Variants in CYP46A1 observed in about 807,000 individuals in gnomAD.
CYP46A1 encodes the protein cholesterol 24-hydroxylase.
In CYP46A1, 20 loss-of-function variants were observed where a neutral mutation model predicts 63.3. The observed-to-expected ratio is 0.32, with a 90% CI of 0.22 to 0.46. The LOEUF is 0.46. Ranked by LOEUF, CYP46A1 falls within the 20% of genes least tolerant of loss-of-function variation. CYP46A1 has a pLI of 1.00. For synonymous variants in CYP46A1, 268 were observed against 273.6 expected (o/e 0.98, Z 0.20); for missense variants, 445 against 670.8 (o/e 0.66, Z 3.72).
At chr14:99,699,842 C>T (rs1373152783) in intron 4 of CYP46A1, among the ~76,000 whole-genome samples, 173 bp from the exon 5 acceptor site, 3 of 152,142 alleles carry the variant, frequency 2.0e-5, no homozygotes, top group Non-Finnish European at 2.9e-5. Flanking sequence ...CCATTTTCCC[C>T]ACCTTAGAGG....
In CYP46A1 at chr14:99,706,701, G is replaced by C; in HGVS notation, c.498G>C (p.Glu166Asp). Residue 166 changes from glutamate to aspartate, a missense_variant, in exon 6 of 15, where the codon GAG becomes GAC. Coordinates refer to ENST00000261835, the MANE Select transcript of CYP46A1 (RefSeq NM_006668.2). Reference sequence around the variant, plus strand: ...ACGAGAAGGCTGAGCAGCTGGTGGAGATTCTAGAAGCCAAGGCAGATGGGC... The same window carrying C: ...ACGAGAAGGCTGAGCAGCTGGTGGACATTCTAGAAGCCAAGGCAGATGGGC... ...TFNEKAEQLV[E>D]ILEAKADGQT... The C allele has an allele frequency of 6.2e-7, 1 of 1,613,974 alleles. No individual in the cohort carries two copies. Among genetic ancestry groups the C allele is most frequent in the South Asian group, 1.1e-5 (1 of 91,068 alleles).
intron 3 of CYP46A1, among the ~76,000 whole-genome samples, chr14:99,696,569 C>A (rs2140117341): frequency 6.6e-6 from 1 of 152,294 alleles, no homozygotes; most frequent in East Asian, 1.9e-4. Flanking sequence ...CTGATGTCAG[C>A]AATTGATTAT....
At chr14:99,706,533 AG>A (rs1595194189) in intron 5 of CYP46A1, 113 bp from the exon 6 acceptor site, 2 of 1,415,736 alleles carry the variant, frequency 1.4e-6, no homozygotes, top group East Asian at 4.6e-5. Flanking sequence ...AAAGACTGGG[AG>A]GGACCACCCA....
At chr14:99,719,803 C>A (rs2056828157) in intron 10 of CYP46A1, among the ~76,000 whole-genome samples, 1 of 148,434 alleles carries the variant, frequency 6.7e-6, no homozygotes, top group South Asian at 2.1e-4. Context: ...ACTCTGTCGC[C>A]CAGGCTGCAG....
At chr14:99,684,683 T>A (rs2056474855) in intron 1 of CYP46A1, 147 bp downstream of exon 1, 1 of 696,978 alleles carries the variant, frequency 1.4e-6, no homozygotes, top group Non-Finnish European at 2.6e-6. Context: ...GGGCGCTAAC[T>A]ATTCTTAGTA....
rs1282906008 is a variant in CYP46A1 at position 99,691,894 on chromosome 14, C to T, written c.282+33C>T. On this transcript the variant is annotated intron_variant, in intron 3 of 14. Coordinates refer to ENST00000261835, the MANE Select transcript of CYP46A1 (RefSeq NM_006668.2). ...GAAGAGTGGTTTCCATGAGGGAGTT[C>T]CCTGCCTTTCCTTGGGTTGGGGGAG... 5.0e-6 allele frequency: 8 copies of T among 1,605,030 alleles called. No individual in the cohort carries two copies. The South Asian group carries it at 7.7e-5, about 15-fold the overall frequency.
At chr14:99,718,967 G>C (rs1247404731) in intron 10 of CYP46A1, among the ~76,000 whole-genome samples, 1 of 146,962 alleles carries the variant, frequency 6.8e-6, no homozygotes. Context: ...CTGAGTATCT[G>C]TTCAGCACCT....
rs1011017835 is a variant in CYP46A1 at position 99,684,584 on chromosome 14, G to T, written c.119+48G>T. 8 of 1,396,050 alleles carry T rather than the reference G, an allele frequency of 5.7e-6. 1 individual carries two copies. In the South Asian group the frequency reaches 8.3e-5, roughly 15 times the overall value. The allele number at this position is 1,396,050 out of a possible 1,614,324, so 86.5% of individuals were successfully genotyped here. On this transcript the variant is annotated intron_variant, in intron 1 of 14. Transcript: ENST00000261835. ...CCTGGCTGGGGTGCTGGGACTGGGG[G>T]CCTGGGGACAGCGTCTAAGCCGGCG...
At chr14:99,694,046 C>G (rs141532280) in intron 3 of CYP46A1, among the ~76,000 whole-genome samples, 2 of 152,168 alleles carry the variant, frequency 1.3e-5, no homozygotes, top group East Asian at 3.9e-4. Flanking sequence ...AATTGGACTA[C>G]TTTATGTGCG....
At chr14:99,704,521 T>C (rs2056658614) in intron 5 of CYP46A1, among the ~76,000 whole-genome samples, 1 of 152,170 alleles carries the variant, frequency 6.6e-6, no homozygotes, top group African/African-American at 2.4e-5. Flanking sequence ...CTTTTCCAGA[T>C]TTTGGTTTTA....
chr14:99,692,100 T>C (rs2056548982), intron 3 of CYP46A1, among the ~76,000 whole-genome samples: 1 of 152,212 alleles, frequency 6.6e-6, no homozygotes, highest in Non-Finnish European at 1.5e-5. Flanking sequence ...CCCATTTGGG[T>C]TGGAAGTTTT....
intron 1 of CYP46A1, chr14:99,684,771 A>AGG (rs1566823654): frequency 1.6e-6 from 1 of 617,552 alleles, no homozygotes; most frequent in Admixed American, 2.1e-5. Flanking sequence ...TGGCAGCCAC[A>AGG]GCCCTTTCAG....
chr14:99,726,536 C>T lies in CYP46A1; in HGVS notation c.1333-21C>T, dbSNP rs182087635. 6.4e-4 allele frequency: 988 copies of T among 1,548,278 alleles called. 9 individuals carry two copies. The African/African-American group carries it at 0.012, about 19-fold the overall frequency. On this transcript the variant is annotated intron_variant, in intron 14 of 14. Coordinates refer to ENST00000261835, the MANE Select transcript of CYP46A1 (RefSeq NM_006668.2). ...TGTCTTTGCTCCTTCATTCCTTCCT[C>T]ATTTTGCCCGCTGGGCCCAGATGGA...
intron 5 of CYP46A1, among the ~76,000 whole-genome samples, chr14:99,704,188 AT>A (rs2056655531): frequency 6.6e-6 from 1 of 152,314 alleles, no homozygotes; most frequent in Non-Finnish European, 1.5e-5. Context: ...CATCTTAACC[AT>A]TTTTAGGTGT....
chr14:99,702,891 TTGTAGC>T (rs1163112367), intron 5 of CYP46A1, among the ~76,000 whole-genome samples: 2 of 152,240 alleles, frequency 1.3e-5, no homozygotes, highest in African/African-American at 4.8e-5. Context: ...ATTTGTACAG[TTGTAGC>T]TGTTTTCTTT....
intron 10 of CYP46A1, among the ~76,000 whole-genome samples, chr14:99,719,070 T>C (rs1411958383): frequency 6.6e-6 from 1 of 152,136 alleles, no homozygotes; most frequent in Non-Finnish European, 1.5e-5. Flanking sequence ...CAGCATTGCC[T>C]ACCTCATTGT....
intron 3 of CYP46A1, among the ~76,000 whole-genome samples, chr14:99,697,811 GC>G (rs1366151422): frequency 3.9e-5 from 6 of 152,162 alleles, no homozygotes; most frequent in African/African-American, 1.4e-4. Context: ...GGGACAGCAG[GC>G]CATGGGGGTG....
intron 10 of CYP46A1, 55 bp from the exon 11 acceptor site, chr14:99,721,184 T>G: frequency 1.5e-6 from 2 of 1,343,964 alleles, no homozygotes; most frequent in Non-Finnish European, 2.1e-6. Flanking sequence ...TAAAGCTAAG[T>G]AAGTCGGGGA....
At chr14:99,688,480 T>C (rs891950895) in intron 1 of CYP46A1, among the ~76,000 whole-genome samples, 3 of 152,104 alleles carry the variant, frequency 2.0e-5, no homozygotes, top group African/African-American at 7.2e-5. Flanking sequence ...GCTGCCCACC[T>C]CCTGCCCCAG....
Sources: gnomAD v4.1 joint callset for allele counts (sites outside exome capture counted in the v4.1 genomes callset) on GRCh38, gnomAD v4.1.1 for gene constraint, MANE v1.5 for transcripts, NCBI Gene and HGNC (gene_info 2026-07-23, HGNC 2026-07-21) for gene names.